Variants in NPAS3 observed in about 807,000 individuals in gnomAD.
The protein encoded by NPAS3 is neuronal PAS domain protein 3, also known as neuronal PAS domain-containing protein 3.
NPAS3 carries 14 observed loss-of-function variants against 73.1 expected under a neutral mutation model. The ratio of observed to expected loss-of-function variants is 0.19; its 90% CI spans 0.13 to 0.30. NPAS3 has a LOEUF of 0.30. Ranked by LOEUF, NPAS3 falls within the 10% of genes least tolerant of loss-of-function variation. The pLI, the probability that NPAS3 is intolerant of heterozygous loss-of-function variation, is 1.00. For synonymous variants in NPAS3, 620 were observed against 541.5 expected (o/e 1.14, Z -2.01); for missense variants, 1,096 against 1,250.0 (o/e 0.88, Z 1.86).
chr14:33,518,338 G>A (rs1398797329), intron 4 of NPAS3, among the ~76,000 whole-genome samples: 3 of 152,052 alleles, frequency 2.0e-5, no homozygotes, highest in Non-Finnish European at 4.4e-5. Context: ...TGGATGGCAA[G>A]GTAAGGAGGA....
intron 3 of NPAS3, among the ~76,000 whole-genome samples, chr14:33,256,562 C>A (rs972009456): frequency 2.0e-5 from 3 of 152,246 alleles, no homozygotes; most frequent in South Asian, 4.1e-4. Flanking sequence ...CAGGGAGACC[C>A]TTTCAAAACA....
At chr14:33,718,747 C>T (rs1435509671) in intron 6 of NPAS3, among the ~76,000 whole-genome samples, 3 of 152,102 alleles carry the variant, frequency 2.0e-5, no homozygotes, top group African/African-American at 7.2e-5. Context: ...TGTACAACCT[C>T]CCGAAGTTAG....
Position 33,544,746 on chromosome 14 carries a change from C to T in NPAS3, c.469-15375C>T, listed in dbSNP as rs115800166. Among the ~76,000 whole-genome samples, 984 of 114,204 alleles carry T rather than the reference C, an allele frequency of 8.6e-3. 17 individuals carry two copies. Among genetic ancestry groups the T allele is most frequent in the African/African-American group, 0.038 (903 of 23,472 alleles). The allele number at this position is 114,204 out of a possible 152,430, so 74.9% of individuals were successfully genotyped here. ...GGTATTTTTTTATGGCAGCCCGGGC[C>T]CACTAAGACAACATATGCATGTATG... On this transcript the variant is annotated intron_variant, in intron 4 of 11. Coordinates refer to ENST00000356141, the Ensembl canonical transcript of NPAS3.
intron 4 of NPAS3, among the ~76,000 whole-genome samples, chr14:33,491,159 G>A (rs1417269827): frequency 6.6e-6 from 1 of 152,102 alleles, no homozygotes; most frequent in Non-Finnish European, 1.5e-5. Flanking sequence ...GTAAAAGGAA[G>A]ACAGCTACAA....
At chr14:33,411,579 G>A (rs1172491779) in intron 4 of NPAS3, among the ~76,000 whole-genome samples, 1 of 152,214 alleles carries the variant, frequency 6.6e-6, no homozygotes, top group Non-Finnish European at 1.5e-5. Flanking sequence ...GCACAGGACA[G>A]CCCTCACAAC....
intron 4 of NPAS3, among the ~76,000 whole-genome samples, chr14:33,517,483 A>G (rs2053356231): frequency 6.6e-6 from 1 of 152,050 alleles, no homozygotes; most frequent in Non-Finnish European, 1.5e-5. Flanking sequence ...ACAATATAGC[A>G]ATGGAGCTGT....
At chr14:33,253,809 A>G (rs2139909579) in intron 3 of NPAS3, among the ~76,000 whole-genome samples, 1 of 151,840 alleles carries the variant, frequency 6.6e-6, no homozygotes, top group South Asian at 2.1e-4. Context: ...CCTACTTTAG[A>G]TTTCTCTCTG....
At chr14:33,791,570 A>C (rs1353458737) in intron 9 of NPAS3, among the ~76,000 whole-genome samples, 1 of 152,180 alleles carries the variant, frequency 6.6e-6, no homozygotes, top group Non-Finnish European at 1.5e-5. Flanking sequence ...ATACGTGCAG[A>C]CCACTGGGGA....
At chr14:33,122,008 A>G (rs10483425) in intron 2 of NPAS3, among the ~76,000 whole-genome samples, 7,626 of 152,246 alleles carry the variant, frequency 0.05, 243 homozygotes, top group African/African-American at 0.09. Flanking sequence ...ATGTGTACCA[A>G]TGAAATTACT....
chr14:33,149,603 T>C (rs2044371774), intron 2 of NPAS3, among the ~76,000 whole-genome samples: 1 of 152,210 alleles, frequency 6.6e-6, no homozygotes, highest in Admixed American at 6.5e-5. Context: ...GCTTACTTAC[T>C]TATGTATATA....
intron 1 of NPAS3, among the ~76,000 whole-genome samples, chr14:32,939,853 C>A (rs1286403684): frequency 1.3e-5 from 1 of 75,780 alleles, no homozygotes; most frequent in Admixed American, 1.6e-4. Flanking sequence ...AGGAGGAGGC[C>A]GGGGGCGGGG....
intron 2 of NPAS3, among the ~76,000 whole-genome samples, chr14:33,201,844 T>C (rs927406469): frequency 2.0e-5 from 3 of 152,216 alleles, no homozygotes; most frequent in African/African-American, 7.2e-5. Flanking sequence ...TTCCAAATCA[T>C]GTGCTTTCCT....
chr14:32,987,226 AT>A (rs201588607), intron 1 of NPAS3, among the ~76,000 whole-genome samples: 726 of 141,766 alleles, frequency 5.1e-3, no homozygotes, highest in Non-Finnish European at 5.1e-3. Context: ...TTGTGTCAGA[AT>A]TTTTTTTTTT....
chr14:33,151,904 G>A (rs2044459317), intron 2 of NPAS3, among the ~76,000 whole-genome samples: 2 of 152,266 alleles, frequency 1.3e-5, no homozygotes, highest in South Asian at 2.1e-4. Context: ...TACCCTTCCA[G>A]AGACTGAGCG....
At chr14:33,735,137 G>T (rs1430008898) in intron 6 of NPAS3, 77 bp from the exon 7 acceptor site, 9 of 961,368 alleles carry the variant, frequency 9.4e-6, no homozygotes, top group Non-Finnish European at 1.5e-5. Context: ...TGAACTCAAG[G>T]ATTGCACCTG....
intron 3 of NPAS3, among the ~76,000 whole-genome samples, chr14:33,359,594 T>G (rs986316158): frequency 2.5e-4 from 38 of 152,154 alleles, no homozygotes; most frequent in African/African-American, 8.9e-4. Flanking sequence ...GTTTGCAAAA[T>G]GAAAGTGTAA....
At chr14:33,758,190 C>A (rs1418230205) in intron 7 of NPAS3, among the ~76,000 whole-genome samples, 2 of 152,214 alleles carry the variant, frequency 1.3e-5, no homozygotes, top group African/African-American at 4.8e-5. Context: ...CCAGCACCTC[C>A]CCACCTACTC....
At chr14:33,339,601 C>A (rs1235668985) in intron 3 of NPAS3, among the ~76,000 whole-genome samples, 1 of 152,054 alleles carries the variant, frequency 6.6e-6, no homozygotes, top group African/African-American at 2.4e-5. Context: ...CCAGAAAGGA[C>A]CTTGTAAAAT....
chr14:33,198,943 G>A lies in NPAS3; in HGVS notation c.141-16239G>A, dbSNP rs555655727. ...GGCGTGGATGGGCTGGCAGTGCTGGGGGAACCCAGGGCCGTCTCTGCAGCT... is the reference window on the plus strand; with the variant it reads ...GGCGTGGATGGGCTGGCAGTGCTGGAGGAACCCAGGGCCGTCTCTGCAGCT... On this transcript the variant is annotated intron_variant, in intron 2 of 11. Coordinates refer to ENST00000356141, the Ensembl canonical transcript of NPAS3. Among the ~76,000 whole-genome samples the A allele has an allele frequency of 4.5e-4, 69 of 152,336 alleles. 1 individual carries two copies. The South Asian group carries it at 0.014, about 31-fold the overall frequency.
Sources: gnomAD v4.1 joint callset for allele counts (sites outside exome capture counted in the v4.1 genomes callset) on GRCh38, gnomAD v4.1.1 for gene constraint, MANE v1.5 for transcripts, NCBI Gene and HGNC (gene_info 2026-07-23, HGNC 2026-07-21) for gene names.